The following CCSER1 variants were observed in gnomAD, a reference collection of about 807,000 sequenced individuals.
CCSER1 encodes the protein coiled-coil serine rich protein 1.
In CCSER1, 41 loss-of-function variants were observed where a neutral mutation model predicts 82.0. The observed-to-expected ratio is 0.50, with a 90% confidence interval of 0.39 to 0.65. The LOEUF (loss-of-function observed/expected upper bound fraction) is 0.65, where lower values mean the gene tolerates loss of function less well. Ranked by LOEUF, CCSER1 falls within the 30% of genes least tolerant of loss-of-function variation. The probability of loss-of-function intolerance (pLI) is 0.00; values close to 1 mark genes in which losing one functional copy is unlikely to be tolerated. For missense variants in CCSER1, 1,119 were observed against 1,064.2 expected, an observed-to-expected ratio of 1.05 and a Z score of -0.72; for synonymous variants, 414 against 383.9, an observed-to-expected ratio of 1.08 and a Z score of -0.92.
intron 7 of CCSER1, among the ~76,000 whole-genome samples, chr4:90,796,882 T>C (rs956040389): frequency 2.6e-5 from 4 of 152,222 alleles, no homozygotes; most frequent in African/African-American, 9.6e-5. Flanking sequence ...TTGCATTTGC[T>C]AAGGAGTGTT....
intron 10 of CCSER1, among the ~76,000 whole-genome samples, chr4:91,525,259 C>T (rs1020991394): frequency 6.6e-6 from 1 of 151,984 alleles, no homozygotes; most frequent in Admixed American, 6.6e-5. Context: ...GCTTCTCTTA[C>T]AAAAGGAGAG....
At chr4:91,107,398 G>A (rs774119700) in intron 10 of CCSER1, among the ~76,000 whole-genome samples, 6 of 152,106 alleles carry the variant, frequency 3.9e-5, no homozygotes, top group Non-Finnish European at 8.8e-5. Context: ...GGGACTGCAG[G>A]CGCATGCTAC....
At chr4:90,915,608 A>G (rs1222295480) in intron 8 of CCSER1, among the ~76,000 whole-genome samples, 1 of 152,154 alleles carries the variant, frequency 6.6e-6, no homozygotes, top group East Asian at 1.9e-4. Flanking sequence ...CTGGCACAAG[A>G]CAGGGATGCC....
chr4:90,646,253 GT>G (rs1304248451), intron 6 of CCSER1, among the ~76,000 whole-genome samples: 1 of 152,046 alleles, frequency 6.6e-6, no homozygotes, highest in African/African-American at 2.4e-5. Context: ...AGTAATTTGT[GT>G]TTGGATTTGA....
chr4:90,365,438 C>A (rs974192722), intron 3 of CCSER1, among the ~76,000 whole-genome samples: 1 of 151,684 alleles, frequency 6.6e-6, no homozygotes, highest in Non-Finnish European at 1.5e-5. Context: ...TCAATTTCTA[C>A]TTGAACTAAT....
chr4:90,784,452 G>C (rs978369356), intron 7 of CCSER1, among the ~76,000 whole-genome samples: 1 of 152,196 alleles, frequency 6.6e-6, no homozygotes, highest in African/African-American at 2.4e-5. Flanking sequence ...GAGGTTACAA[G>C]GATGAAAATG....
At chr4:90,904,382 G>T (rs1169648127) in intron 8 of CCSER1, among the ~76,000 whole-genome samples, 1 of 152,094 alleles carries the variant, frequency 6.6e-6, no homozygotes, top group East Asian at 1.9e-4. Context: ...CTATTTCTCT[G>T]TTCTACTTGA....
chr4:91,129,005 G>A (rs1370274311), intron 10 of CCSER1, among the ~76,000 whole-genome samples: 1 of 152,078 alleles, frequency 6.6e-6, no homozygotes, highest in Non-Finnish European at 1.5e-5. Flanking sequence ...TTCAGGGATG[G>A]TGAATTCAAT....
chr4:91,143,915 G>A (rs1729288307), intron 10 of CCSER1, among the ~76,000 whole-genome samples: 1 of 151,914 alleles, frequency 6.6e-6, no homozygotes, highest in African/African-American at 2.4e-5. Context: ...ATGTTCATCA[G>A]GGATATTAGC....
intron 7 of CCSER1, among the ~76,000 whole-genome samples, chr4:90,750,118 C>A (rs970696052): frequency 1.3e-5 from 2 of 151,586 alleles, no homozygotes; most frequent in South Asian, 4.2e-4. Context: ...TCATGTCCTT[C>A]GCCCACTTTT....
chr4:91,511,819 AT>A (rs1759841088), intron 10 of CCSER1, among the ~76,000 whole-genome samples: 1 of 152,212 alleles, frequency 6.6e-6, no homozygotes, highest in Non-Finnish European at 1.5e-5. Context: ...GGTGAGTTGT[AT>A]AATTATTTTA....
In CCSER1 at chr4:90,135,820, A is replaced by T. The variant is rs541909449; in HGVS notation, c.-42+7989A>T. 2.6e-5 allele frequency among the ~76,000 whole-genome samples: 4 copies of T among 152,350 alleles called. No homozygotes were observed. In the South Asian group the frequency reaches 8.3e-4, roughly 32 times the overall value. ...TAGAGTTGAAGTCCGTCAGTTTCAA[A>T]AATAATCATGCACCTCTTATTGGTA... is the stretch of plus-strand genomic sequence containing the variant. On this transcript the variant is annotated intron_variant, in intron 1 of 10. Coordinates refer to ENST00000509176, the MANE Select transcript of CCSER1 (RefSeq NM_001145065.2).
rs1725721039 is a variant in CCSER1 at position 91,107,421 on chromosome 4, A to AT, written c.2217+21434dup. ...AGGCGCATGCTACCACGCCTGGCTA[A>AT]TTTTTTTGTATTTTTAGTAGAGATG... On this transcript the variant is annotated intron_variant, in intron 10 of 10. Coordinates refer to ENST00000509176, the MANE Select transcript of CCSER1 (RefSeq NM_001145065.2). 2.6e-5 allele frequency among the ~76,000 whole-genome samples: 4 copies of AT among 151,824 alleles called. No individual in the cohort carries two copies. In the South Asian group the frequency reaches 8.3e-4, roughly 32 times the overall value.
intron 6 of CCSER1, among the ~76,000 whole-genome samples, chr4:90,661,567 A>G (rs1273238584): frequency 2.6e-5 from 4 of 152,210 alleles, no homozygotes; most frequent in African/African-American, 9.7e-5. Context: ...GAAATGTTTA[A>G]CTATAGTGTG....
rs774696306 is a variant in CCSER1 at position 91,370,695 on chromosome 4, C to CA, written c.2218-227864dup. Among the ~76,000 whole-genome samples, 435 of 132,458 alleles carry CA rather than the reference C, an allele frequency of 3.3e-3. 2 individuals carry two copies. The highest frequency in any genetic ancestry group is 6.1e-3 in the South Asian group (25 of 4,110). 86.9% of individuals were successfully genotyped at this position (132,458 alleles called of 152,430 possible). A position where few individuals can be genotyped will look rare whatever the true frequency, so the allele number is the denominator to read the frequency against. On this transcript the variant is annotated intron_variant, in intron 10 of 10. Transcript: ENST00000509176. The stretch of plus-strand genomic sequence containing the variant: ...TGGGCGACAGAATGAGACTCTGTCT[C>CA]AAAAAAAAAAAAATTGTTTTATTTT...
At chr4:90,286,397 T>C (rs1226988937) in intron 1 of CCSER1, among the ~76,000 whole-genome samples, 2 of 152,022 alleles carry the variant, frequency 1.3e-5, no homozygotes, top group African/African-American at 4.8e-5. Flanking sequence ...TCACATAAGG[T>C]GACAATTTCA....
At chr4:91,302,368 A>G (rs980511245) in intron 10 of CCSER1, among the ~76,000 whole-genome samples, 2 of 151,968 alleles carry the variant, frequency 1.3e-5, no homozygotes, top group Admixed American at 1.3e-4. Flanking sequence ...TGTTAGCTCT[A>G]CTTTCAAAAG....
chr4:91,330,922 T>C (rs1035293873), intron 10 of CCSER1, among the ~76,000 whole-genome samples: 1 of 152,170 alleles, frequency 6.6e-6, no homozygotes, highest in African/African-American at 2.4e-5. Flanking sequence ...GCATGATAAA[T>C]TCTTGTGCTG....
intron 10 of CCSER1, among the ~76,000 whole-genome samples, chr4:91,392,363 G>GCACACACGCACACACACACACACACA (rs58770768): frequency 1.4e-5 from 2 of 148,116 alleles, no homozygotes; most frequent in South Asian, 2.1e-4. Flanking sequence ...ACCTACACAT[G>GCACACACGCACACACACACACACACA]CACACACACA....
Sources: allele counts gnomAD v4.1 joint callset (sites outside exome capture counted in the v4.1 genomes callset), GRCh38; gene constraint gnomAD v4.1.1; transcripts MANE v1.5; gene names NCBI Gene and HGNC (gene_info 2026-07-23, HGNC 2026-07-21).